Variants in GRM3 observed in about 807,000 individuals in gnomAD.
GRM3 encodes the protein glutamate metabotropic receptor 3.
Under a neutral mutation model 70.5 loss-of-function variants are expected in GRM3, and 26 were observed. The ratio of observed to expected loss-of-function variants is 0.37; its 90% CI spans 0.27 to 0.51. GRM3 has a LOEUF of 0.51. Ranked by LOEUF, GRM3 falls within the 20% of genes least tolerant of loss-of-function variation. GRM3 has a pLI of 0.93. For synonymous variants in GRM3, 443 were observed against 434.9 expected, an observed-to-expected ratio of 1.02 and a Z score of -0.23; for missense variants, 859 against 1,123.8, an observed-to-expected ratio of 0.76 and a Z score of 3.37.
chr7:86,814,714 A>G (rs927173572), intron 3 of GRM3, among the ~76,000 whole-genome samples: 1 of 151,496 alleles, frequency 6.6e-6, no homozygotes, highest in African/African-American at 2.4e-5. Flanking sequence ...AATAGCTAGT[A>G]GCCCTGAGGG....
chr7:86,808,564 G>A (rs758824210), intron 3 of GRM3, among the ~76,000 whole-genome samples: 68 of 151,652 alleles, frequency 4.5e-4, no homozygotes, highest in Non-Finnish European at 6.5e-4. Flanking sequence ...AATATAGCAC[G>A]CCAAGTGGAA....
intron 5 of GRM3, among the ~76,000 whole-genome samples, chr7:86,863,296 G>A (rs189295197): frequency 2.6e-5 from 4 of 152,230 alleles, no homozygotes; most frequent in Admixed American, 2.0e-4. Context: ...TAGGAAAACT[G>A]AGTGCCATAA....
intron 2 of GRM3, 39 bp downstream of exon 2, chr7:86,765,652 C>A (rs768033161): frequency 3.2e-6 from 5 of 1,568,536 alleles, no homozygotes; most frequent in African/African-American, 1.4e-5. Flanking sequence ...GGCTGTATCT[C>A]TTTGCTTTTA....
intron 1 of GRM3, among the ~76,000 whole-genome samples, chr7:86,739,631 A>G (rs1442472278): frequency 6.6e-6 from 1 of 152,194 alleles, no homozygotes; most frequent in Non-Finnish European, 1.5e-5. Context: ...GACTGCCCCA[A>G]TCTCCTTAAT....
At position 86,864,520 on chromosome 7, in the gene GRM3, T is replaced by TTTAGAAAG; in HGVS notation, c.*167_*168insAGAAAGTT. The TTTAGAAAG allele has an allele frequency of 1.7e-6, 1 of 588,836 alleles. No homozygotes were observed. Among genetic ancestry groups the TTTAGAAAG allele is most frequent in the African/African-American group, 1.8e-5 (1 of 54,288 alleles). The allele number at this position is 588,836 out of a possible 1,614,324, so 36.5% of individuals were successfully genotyped here. A position where few individuals can be genotyped will look rare whatever the true frequency, so the allele number is the denominator to read the frequency against. On this transcript the variant is annotated 3_prime_UTR_variant, in exon 6 of 6. Coordinates refer to ENST00000361669, the MANE Select transcript of GRM3 (RefSeq NM_000840.3). ...ACTGTATATAGTGATGTGCTAGAAC[T>TTTAGAAAG]TTCTAGGCTGAGTCTAGTGCCCCTA...
At chr7:86,838,384 G>A (rs1483462963) in intron 3 of GRM3, among the ~76,000 whole-genome samples, 2 of 152,000 alleles carry the variant, frequency 1.3e-5, no homozygotes, top group Admixed American at 6.6e-5. Flanking sequence ...TTTTGAAGCA[G>A]AAAAATTCTT....
At chr7:86,652,648 T>C (rs1168472882) in intron 1 of GRM3, among the ~76,000 whole-genome samples, 2 of 152,096 alleles carry the variant, frequency 1.3e-5, no homozygotes, top group African/African-American at 4.8e-5. Context: ...TAGTATTAGG[T>C]CCACTTCTCA....
chr7:86,752,651 A>G (rs1796256774), intron 1 of GRM3, among the ~76,000 whole-genome samples: 1 of 152,104 alleles, frequency 6.6e-6, no homozygotes, highest in Non-Finnish European at 1.5e-5. Flanking sequence ...CAGGCACAGT[A>G]GTTGCCATGG....
intron 3 of GRM3, among the ~76,000 whole-genome samples, chr7:86,822,844 G>A (rs1056392134): frequency 1.3e-5 from 2 of 152,180 alleles, no homozygotes; most frequent in Admixed American, 1.3e-4. Context: ...GACTCACAAA[G>A]TAGATTGTCT....
intron 1 of GRM3, among the ~76,000 whole-genome samples, chr7:86,679,929 C>A (rs910109513): frequency 6.6e-5 from 10 of 152,080 alleles, no homozygotes; most frequent in African/African-American, 2.4e-4. Context: ...TGTTTTCTTT[C>A]TTGTTGTTTA....
intron 1 of GRM3, among the ~76,000 whole-genome samples, chr7:86,709,444 G>A (rs79541376): frequency 0.013 from 2,004 of 152,094 alleles, 40 homozygotes; most frequent in African/African-American, 0.046. Context: ...TTATTCTCTT[G>A]CATATCTACC....
intron 3 of GRM3, among the ~76,000 whole-genome samples, chr7:86,826,217 G>T (rs937488207): frequency 6.6e-6 from 1 of 152,144 alleles, no homozygotes; most frequent in South Asian, 2.1e-4. Flanking sequence ...TAGTATTCTT[G>T]GGCGCTCCGG....
intron 1 of GRM3, among the ~76,000 whole-genome samples, chr7:86,661,336 C>G (rs1275843037): frequency 6.6e-6 from 1 of 151,966 alleles, no homozygotes; most frequent in Non-Finnish European, 1.5e-5. Context: ...TCTTCATTTA[C>G]TTTAACTTAG....
intron 1 of GRM3, among the ~76,000 whole-genome samples, chr7:86,738,354 C>G (rs1325571334): frequency 6.6e-6 from 1 of 152,060 alleles, no homozygotes; most frequent in Non-Finnish European, 1.5e-5. Context: ...GGCATATTCA[C>G]AGGATTGTGA....
At chr7:86,679,494 G>T (rs991926827) in intron 1 of GRM3, among the ~76,000 whole-genome samples, 3 of 151,908 alleles carry the variant, frequency 2.0e-5, no homozygotes, top group South Asian at 4.1e-4. Flanking sequence ...GAGGAATCGA[G>T]GATAAAGGGG....
chr7:86,830,084 A>T (rs1251739607), intron 3 of GRM3, among the ~76,000 whole-genome samples: 1 of 152,208 alleles, frequency 6.6e-6, no homozygotes, highest in East Asian at 1.9e-4. Flanking sequence ...CTATTCTCAG[A>T]CATGCCAATG....
At chr7:86,747,180 C>T (rs192654350) in intron 1 of GRM3, among the ~76,000 whole-genome samples, 40 of 152,166 alleles carry the variant, frequency 2.6e-4, no homozygotes, top group East Asian at 2.3e-3. Context: ...AGCCATGCAG[C>T]GAAGTTAGCT....
chr7:86,774,670 T>A (rs1796839885), intron 2 of GRM3, among the ~76,000 whole-genome samples: 2 of 142,856 alleles, frequency 1.4e-5, no homozygotes, highest in South Asian at 2.2e-4. Flanking sequence ...CATCACTTAA[T>A]AGGGTTGAAT....
intron 3 of GRM3, among the ~76,000 whole-genome samples, chr7:86,803,726 C>T (rs755783042): frequency 7.9e-5 from 12 of 151,980 alleles, no homozygotes; most frequent in African/African-American, 1.2e-4. Flanking sequence ...GCCCTTTTTT[C>T]GCATCCCAAG....
Sources: gnomAD v4.1 joint callset for allele counts (sites outside exome capture counted in the v4.1 genomes callset) on GRCh38, gnomAD v4.1.1 for gene constraint, MANE v1.5 for transcripts, NCBI Gene and HGNC (gene_info 2026-07-23, HGNC 2026-07-21) for gene names.